ADAMTSL1: variants seen among roughly 807,000 people sequenced by gnomAD.
The protein encoded by ADAMTSL1 is ADAMTS-like protein 1.
A neutral mutation model predicts 201.8 loss-of-function variants in ADAMTSL1; 126 were observed. The ratio of observed to expected loss-of-function variants is 0.62; its 90% CI spans 0.54 to 0.72. The LOEUF (loss-of-function observed/expected upper bound fraction) is 0.72, where lower values mean the gene tolerates loss of function less well. Ranked by LOEUF, ADAMTSL1 falls within the 30% of genes least tolerant of loss-of-function variation. The pLI is 0.00. For synonymous variants in ADAMTSL1, 1,121 were observed against 903.4 expected (o/e 1.24, Z -4.32); for missense variants, 2,679 against 2,277.8 (o/e 1.18, Z -3.59).
intron 1 of ADAMTSL1, among the ~76,000 whole-genome samples, chr9:18,499,926 A>T (rs898305517): frequency 5.3e-5 from 8 of 152,222 alleles, no homozygotes; most frequent in Non-Finnish European, 1.0e-4. Flanking sequence ...TCTTGTTTTA[A>T]CATTTGGAAA....
chr9:18,691,120 T>C (rs1400239319), intron 13 of ADAMTSL1, among the ~76,000 whole-genome samples: 1 of 152,220 alleles, frequency 6.6e-6, no homozygotes, highest in Non-Finnish European at 1.5e-5. Context: ...ATTTGATGTT[T>C]GGATATCATA....
At chr9:18,230,405 C>T (rs1304118007) in intron 2 of ADAMTSL1, among the ~76,000 whole-genome samples, 2 of 152,010 alleles carry the variant, frequency 1.3e-5, no homozygotes, top group African/African-American at 4.8e-5. Context: ...GGGGAAGTGT[C>T]CCCTGGGCTG....
At chr9:18,315,018 G>C (rs546562117) in intron 2 of ADAMTSL1, among the ~76,000 whole-genome samples, 140 of 148,740 alleles carry the variant, frequency 9.4e-4, no homozygotes, top group African/African-American at 2.8e-3. Flanking sequence ...GGATGGTCTC[G>C]ATCTCCTGAC....
At chr9:17,951,738 G>C (rs1827736120) in intron 1 of ADAMTSL1, among the ~76,000 whole-genome samples, 1 of 151,388 alleles carries the variant, frequency 6.6e-6, no homozygotes, top group Non-Finnish European at 1.5e-5. Context: ...TTTTCTCCTA[G>C]TCTGTGGCTT....
intron 1 of ADAMTSL1, among the ~76,000 whole-genome samples, chr9:18,015,947 G>T (rs1373511752): frequency 6.6e-6 from 1 of 151,992 alleles, no homozygotes; most frequent in Non-Finnish European, 1.5e-5. Flanking sequence ...ACATAATAAA[G>T]ATCTCTGAAA....
chr9:18,180,408 C>T (rs2132172458), intron 2 of ADAMTSL1, among the ~76,000 whole-genome samples: 1 of 151,390 alleles, frequency 6.6e-6, no homozygotes, highest in Non-Finnish European at 1.5e-5. Flanking sequence ...TGGCGGGCGC[C>T]TGTAGTCCCA....
chr9:18,065,972 C>A (rs573396069), intron 1 of ADAMTSL1, among the ~76,000 whole-genome samples: 10 of 105,876 alleles, frequency 9.4e-5, no homozygotes, highest in Non-Finnish European at 1.7e-4. Context: ...TGGGACAGAG[C>A]GAGACTCCAT....
chr9:18,602,059 A>C (rs1399095570), intron 4 of ADAMTSL1, among the ~76,000 whole-genome samples: 1 of 152,202 alleles, frequency 6.6e-6, no homozygotes, highest in Non-Finnish European at 1.5e-5. Context: ...AAGCAGGGCA[A>C]TGCAGTACAG....
chr9:18,882,965 C>G (rs958031601), intron 23 of ADAMTSL1, among the ~76,000 whole-genome samples: 1 of 147,924 alleles, frequency 6.8e-6, no homozygotes, highest in African/African-American at 2.5e-5. Context: ...ACACTCCAAC[C>G]TGAGCAACAG....
chr9:18,164,562 T>C (rs1216163455), intron 2 of ADAMTSL1, among the ~76,000 whole-genome samples: 1 of 151,668 alleles, frequency 6.6e-6, no homozygotes, highest in South Asian at 2.1e-4. Context: ...AAACTGTGAT[T>C]TGTAATTTGG....
intron 1 of ADAMTSL1, among the ~76,000 whole-genome samples, chr9:18,058,941 C>A (rs1041073182): frequency 2.0e-5 from 3 of 152,196 alleles, no homozygotes; most frequent in African/African-American, 7.2e-5. Context: ...TTGGAAATTT[C>A]ATGGATATTC....
Position 18,088,671 on chromosome 9 carries a change from A to G in ADAMTSL1, c.88-75191A>G, listed in dbSNP as rs150988133. ...TCAGGGAAATGCAAATGAACACTAC[A>G]ATCCACAATGAGATATGACCTCATA... On this transcript the variant is annotated intron_variant, in intron 1 of 29. Transcript: ENST00000680146. 3.8e-3 allele frequency among the ~76,000 whole-genome samples: 577 copies of G among 152,294 alleles called. 4 individuals carry two copies. The highest frequency in any genetic ancestry group is 0.013 in the African/African-American group (537 of 41,562).
chr9:18,557,714 TC>T (rs1163781805), intron 3 of ADAMTSL1, among the ~76,000 whole-genome samples: 1 of 152,040 alleles, frequency 6.6e-6, no homozygotes, highest in African/African-American at 2.4e-5. Flanking sequence ...ATGGCATTTA[TC>T]TTTTAATTGC....
intron 2 of ADAMTSL1, among the ~76,000 whole-genome samples, chr9:18,314,214 C>T (rs906943973): frequency 3.9e-5 from 6 of 152,046 alleles, no homozygotes; most frequent in African/African-American, 1.2e-4. Flanking sequence ...GAAAAGAGAA[C>T]CCTGGTTTGT....
intron 1 of ADAMTSL1, among the ~76,000 whole-genome samples, chr9:18,488,669 A>C (rs949485026): frequency 1.3e-5 from 2 of 152,178 alleles, no homozygotes; most frequent in Admixed American, 1.3e-4. Context: ...CCTACTCAGC[A>C]CAGTACCCCA....
rs989658243 is a variant in ADAMTSL1, at chr9:18,024,602, T to C, written c.87+117680T>C. ...TGCTGCAAAGGACATGATTCCATTC[T>C]TTTTTATGGCCATATAGTATTCCAC... On this transcript the variant is annotated intron_variant, in intron 1 of 29. Transcript: ENST00000680146. Among the ~76,000 whole-genome samples the C allele has an allele frequency of 4.1e-4, 62 of 152,162 alleles. 1 individual carries two copies. Among genetic ancestry groups the C allele is most frequent in the Admixed American group, 3.9e-3 (60 of 15,252 alleles).
At position 18,892,559 on chromosome 9, in the gene ADAMTSL1, A is replaced by T. The variant is rs967053422; in HGVS notation, c.4814A>T (p.Gln1605Leu). Residue 1605 changes from glutamine (Q) to leucine (L), a missense_variant, in exon 26 of 29, where the codon CAG becomes CTG. Transcript: ENST00000380548. ...GTGGACACCCAGGCCTGTAACCAGC[A>T]GCTGTGTGTGGAGTGGGCCTTCTCC... The part of the protein sequence containing the change: ...RPVDTQACNQ[Q>L]LCVEWAFSSW... The T allele has an allele frequency of 6.3e-7, 1 of 1,575,426 alleles. No homozygotes were observed. Among genetic ancestry groups the T allele is most frequent in the African/African-American group, 1.3e-5 (1 of 74,130 alleles).
intron 2 of ADAMTSL1, among the ~76,000 whole-genome samples, chr9:18,223,776 A>C (rs958145605): frequency 2.0e-5 from 3 of 151,722 alleles, no homozygotes; most frequent in Non-Finnish European, 4.4e-5. Flanking sequence ...TTTGTCTCTC[A>C]CCCATGGTAG....
intron 3 of ADAMTSL1, among the ~76,000 whole-genome samples, chr9:18,536,353 T>G (rs1819772202): frequency 6.6e-6 from 1 of 152,088 alleles, no homozygotes; most frequent in Admixed American, 6.6e-5. Flanking sequence ...CCTCTTTTCC[T>G]ATTTTTTGTA....
Sources: allele counts gnomAD v4.1 joint callset (sites outside exome capture counted in the v4.1 genomes callset), GRCh38; gene constraint gnomAD v4.1.1; transcripts MANE v1.5; gene names NCBI Gene and HGNC (gene_info 2026-07-23, HGNC 2026-07-21).